The following C4BPA variants were observed in gnomAD, a reference collection of about 807,000 sequenced individuals.
The protein encoded by C4BPA is C4b-binding protein alpha chain.
In C4BPA, 31 loss-of-function variants were observed where a neutral mutation model predicts 63.7. That is an observed-to-expected ratio of 0.49 (90% CI 0.37 to 0.66). The LOEUF (loss-of-function observed/expected upper bound fraction) is 0.66, where lower values mean the gene tolerates loss of function less well. Among genes scored for constraint, C4BPA ranks in the 30% least tolerant of loss-of-function variants. C4BPA has a pLI of 0.00. For missense variants in C4BPA, 572 were observed against 723.3 expected, an observed-to-expected ratio of 0.79 and a Z score of 2.40; for synonymous variants, 259 against 254.7, an observed-to-expected ratio of 1.02 and a Z score of -0.16.
chr1:207,142,490 G>T (rs1013050081), intron 10 of C4BPA, among the ~76,000 whole-genome samples: 2 of 152,070 alleles, frequency 1.3e-5, no homozygotes, highest in Admixed American at 6.6e-5. Context: ...TTGAGAAATT[G>T]CCACACTGTT....
chr1:207,137,217 TA>T (rs1054587617), intron 9 of C4BPA, among the ~76,000 whole-genome samples: 32 of 152,220 alleles, frequency 2.1e-4, no homozygotes, highest in African/African-American at 6.8e-4. Context: ...CTAAGGGGAT[TA>T]GGGGTGGAGG....
rs142009017 is a variant in C4BPA, at chr1:207,114,103, A to G, written c.146A>G (p.Asn49Ser). 3 of 1,611,132 alleles carry G rather than the reference A, an allele frequency of 1.9e-6. No homozygotes were observed. The highest frequency in any genetic ancestry group is 2.5e-6 in the Non-Finnish European group (3 of 1,178,348). The change falls in exon 3 of 12, where the codon AAT becomes AGT. Residue 49 changes from asparagine to serine, a missense_variant. By Grantham distance (46) the Asn-to-Ser change is conservative. Transcript: ENST00000367070. The part of the protein sequence containing the change: ...IAALLPAVLG[N>S]CGPPPTLSFA... ...TCCTTCTCATTTTGGTGTCCAGGCA[A>G]TTGTGGTCCTCCACCCACTTTATCA...
intron 9 of C4BPA, among the ~76,000 whole-genome samples, chr1:207,136,508 C>T (rs532862878): frequency 2.0e-5 from 3 of 152,172 alleles, no homozygotes; most frequent in Non-Finnish European, 4.4e-5. Flanking sequence ...ACCAGACAAG[C>T]CATTCATTCC....
At chr1:207,136,586 C>T (rs899288032) in intron 9 of C4BPA, among the ~76,000 whole-genome samples, 1 of 152,200 alleles carries the variant, frequency 6.6e-6, no homozygotes, top group Non-Finnish European at 1.5e-5. Context: ...ATAGCACTTT[C>T]TTTCAGGAAG....
intron 8 of C4BPA, among the ~76,000 whole-genome samples, chr1:207,132,793 C>T (rs987729543): frequency 2.6e-5 from 4 of 152,148 alleles, no homozygotes; most frequent in South Asian, 2.1e-4. Context: ...GAGGCTGAGG[C>T]GGGAGGATTG....
chr1:207,143,511 T>C (rs1452987274), intron 10 of C4BPA, among the ~76,000 whole-genome samples: 1 of 152,210 alleles, frequency 6.6e-6, no homozygotes, highest in Non-Finnish European at 1.5e-5. Flanking sequence ...TGTCATATTA[T>C]ATGAAAATGT....
chr1:207,132,233 C>T (rs1396766519), intron 8 of C4BPA, among the ~76,000 whole-genome samples: 4 of 152,176 alleles, frequency 2.6e-5, no homozygotes, highest in Non-Finnish European at 4.4e-5. Context: ...AATCCTGACT[C>T]GTGACTGAGC....
chr1:207,137,224 G>A (rs911265329), intron 9 of C4BPA, among the ~76,000 whole-genome samples: 1 of 152,208 alleles, frequency 6.6e-6, no homozygotes, highest in Non-Finnish European at 1.5e-5. Context: ...GATTAGGGGT[G>A]GAGGTGATCT....
At chr1:207,133,925 T>C (rs1479920911) in intron 8 of C4BPA, among the ~76,000 whole-genome samples, 1 of 152,244 alleles carries the variant, frequency 6.6e-6, no homozygotes, top group East Asian at 1.9e-4. Flanking sequence ...GAGAGTTTAA[T>C]AATGAAGCCA....
chr1:207,115,180 TCTG>T, intron 3 of C4BPA, among the ~76,000 whole-genome samples: 1 of 152,232 alleles, frequency 6.6e-6, no homozygotes, highest in East Asian at 1.9e-4. Context: ...GACCACGTGT[TCTG>T]CTGCTGCAAT....
At chr1:207,123,332 C>T (rs1684959056) in intron 4 of C4BPA, among the ~76,000 whole-genome samples, 1 of 152,134 alleles carries the variant, frequency 6.6e-6, no homozygotes, top group Non-Finnish European at 1.5e-5. Flanking sequence ...AAGTTTATTC[C>T]TTGATGATGC....
At chr1:207,139,538 C>T (rs988277228) in intron 9 of C4BPA, among the ~76,000 whole-genome samples, 1 of 152,000 alleles carries the variant, frequency 6.6e-6, no homozygotes. Flanking sequence ...TGGCTCTTAC[C>T]CCGCAGGTCA....
chr1:207,143,752 C>G (rs1299411079), intron 10 of C4BPA, 66 bp from the exon 11 acceptor site: 2 of 1,093,696 alleles, frequency 1.8e-6, no homozygotes, highest in Non-Finnish European at 2.8e-6. Flanking sequence ...TTCTTATTAT[C>G]CGAGACTGTT....
intron 9 of C4BPA, among the ~76,000 whole-genome samples, chr1:207,140,881 AG>A (rs1685398604): frequency 6.6e-6 from 1 of 152,230 alleles, no homozygotes; most frequent in Non-Finnish European, 1.5e-5. Flanking sequence ...CTTGTCAATA[AG>A]ATGAAGGAAA....
intron 7 of C4BPA, among the ~76,000 whole-genome samples, chr1:207,130,981 AAG>A (rs1461994519): frequency 1.3e-5 from 2 of 152,238 alleles, no homozygotes; most frequent in African/African-American, 4.8e-5. Flanking sequence ...GCTGTTAAAA[AAG>A]AACTTTTATA....
chr1:207,144,420 G>A, intron 11 of C4BPA, 124 bp from the exon 12 acceptor site: 1 of 737,196 alleles, frequency 1.4e-6, no homozygotes, highest in South Asian at 2.6e-5. Flanking sequence ...TGTTTTCCCA[G>A]CCTCAACCAC....
intron 4 of C4BPA, among the ~76,000 whole-genome samples, chr1:207,120,160 CCTT>C (rs759323067): frequency 4.6e-5 from 7 of 152,122 alleles, no homozygotes; most frequent in Non-Finnish European, 1.0e-4. Flanking sequence ...AAAGTGGACT[CCTT>C]CTTTGCCTTA....
intron 9 of C4BPA, among the ~76,000 whole-genome samples, chr1:207,139,810 A>G (rs1685374393): frequency 6.6e-6 from 1 of 152,230 alleles, no homozygotes; most frequent in Non-Finnish European, 1.5e-5. Flanking sequence ...ATTTTGTAGC[A>G]TCTTCACTCC....
chr1:207,113,335 A>G (rs1684709331), intron 2 of C4BPA, among the ~76,000 whole-genome samples, 168 bp downstream of exon 2: 1 of 152,238 alleles, frequency 6.6e-6, no homozygotes, highest in Non-Finnish European at 1.5e-5. Context: ...CTTTACACAT[A>G]AAGGAAATAG....
Sources: allele counts gnomAD v4.1 joint callset (sites outside exome capture counted in the v4.1 genomes callset), GRCh38; gene constraint gnomAD v4.1.1; transcripts MANE v1.5; gene names NCBI Gene and HGNC (gene_info 2026-07-23, HGNC 2026-07-21).